The following PPP6R2 variants were observed in gnomAD, a reference collection of about 807,000 sequenced individuals.
The protein encoded by PPP6R2 is protein phosphatase 6 regulatory subunit 2, also known as serine/threonine-protein phosphatase 6 regulatory subunit 2.
A neutral mutation model predicts 100.2 loss-of-function variants in PPP6R2; 62 were observed. The ratio of observed to expected loss-of-function variants is 0.62; its 90% CI spans 0.50 to 0.76. PPP6R2 has a LOEUF of 0.76. Ranked by LOEUF, PPP6R2 falls within the 30% of genes least tolerant of loss-of-function variation. The pLI, the probability that PPP6R2 is intolerant of heterozygous loss-of-function variation, is 0.00. For synonymous variants in PPP6R2, 525 were observed against 514.7 expected (o/e 1.02, Z -0.27); for missense variants, 1,142 against 1,276.3 (o/e 0.89, Z 1.60).
intron 4 of PPP6R2, among the ~76,000 whole-genome samples, chr22:50,410,469 CTTTTTTTTTTTTTT>C (rs200178930): frequency 3.9e-5 from 4 of 103,370 alleles, no homozygotes; most frequent in Non-Finnish European, 4.0e-5. Context: ...TGAGTGGTGT[CTTTTTTTTTTTTTT>C]TTTTTTTTTT....
At position 50,431,066 on chromosome 22, in the gene PPP6R2, G is replaced by T; in HGVS notation, c.1126-107G>T. On this transcript the variant is annotated intron_variant, in intron 10 of 23. Transcript: ENST00000612753. The surrounding 1 kb of genome is among the most constrained non-coding windows in gnomAD (Gnocchi z 4.8). ...TCCTAGCTACCCAGAGACTGGACTT[G>T]TGAGGAGTTAGGACGCCACCTTTAG... is the stretch of plus-strand genomic sequence containing the variant. The T allele has an allele frequency of 1.2e-6, 1 of 867,866 alleles. No homozygotes were observed. The allele number at this position is 867,866 out of a possible 1,614,324, so 53.8% of individuals were successfully genotyped here. A position where few individuals can be genotyped will look rare whatever the true frequency, so the allele number is the denominator to read the frequency against.
intron 1 of PPP6R2, among the ~76,000 whole-genome samples, chr22:50,350,876 T>A (rs1038657430): frequency 6.6e-6 from 1 of 151,080 alleles, no homozygotes; most frequent in African/African-American, 2.4e-5. Context: ...CCTTGATCCA[T>A]GGGCTGCAGT....
At chr22:50,438,376 T>A in intron 18 of PPP6R2, 78 bp downstream of exon 18, 2 of 1,552,252 alleles carry the variant, frequency 1.3e-6, no homozygotes, top group Non-Finnish European at 1.7e-6. Flanking sequence ...CGCCCTGTGG[T>A]TCGTTAGCTG....
rs35760784 is a variant in PPP6R2 at position 50,434,431 on chromosome 22, C to T, written c.1401-535C>T. Among the ~76,000 whole-genome samples, 239 of 60,700 alleles carry T rather than the reference C, an allele frequency of 3.9e-3. 18 individuals carry two copies. Among genetic ancestry groups the T allele is most frequent in the Admixed American group, 6.4e-3 (38 of 5,902 alleles). The allele number at this position is 60,700 out of a possible 152,430, so 39.8% of individuals were successfully genotyped here. Reference sequence around the variant, plus strand: ...GGGGGCGCGGACGCTGGGCAGGGGCCGGGCATTTGCTCTGGAGGTGAACCT... The same window carrying T: ...GGGGGCGCGGACGCTGGGCAGGGGCTGGGCATTTGCTCTGGAGGTGAACCT... On this transcript the variant is annotated intron_variant, in intron 12 of 23. Coordinates refer to ENST00000612753, the MANE Select transcript of PPP6R2 (RefSeq NM_001242898.2).
rs567396466 is a variant in PPP6R2 at position 50,414,803 on chromosome 22, C to G, written c.552+114C>G. 17 of 1,220,908 alleles carry G rather than the reference C, an allele frequency of 1.4e-5. No homozygotes were observed. The African/African-American group carries it at 1.8e-4, about 13-fold the overall frequency. 75.6% of individuals were successfully genotyped at this position (1,220,908 alleles called of 1,614,324 possible). The stretch of plus-strand genomic sequence containing the variant: ...GCCCGGCCCCCATCTCTCCACCTAG[C>G]GTGCATTTCTCCGTGGGGCTGTTAG... On this transcript the variant is annotated intron_variant, in intron 5 of 23. Coordinates refer to ENST00000612753, the MANE Select transcript of PPP6R2 (RefSeq NM_001242898.2).
rs762160667 is a variant in PPP6R2, at chr22:50,437,891, C to T, written c.1830C>T (p.Asp610=). The T allele has an allele frequency of 5.8e-6, 9 of 1,556,132 alleles. No homozygotes were observed. The highest frequency in any genetic ancestry group is 3.9e-5 in the Admixed American group (2 of 51,200). ...AGATCAACTTCAACATCGACGCTGACGAGGACAGTGTGAGCAAGCCGGGCT... is the reference window on the plus strand; with the variant it reads ...AGATCAACTTCAACATCGACGCTGATGAGGACAGTGTGAGCAAGCCGGGCT... ...IAEINFNIDA[D]EDSPSAALFE... is the part of the protein sequence containing the mutation. The change falls in exon 17 of 24, where the codon GAC becomes GAT. Residue 610 remains aspartate (D), a synonymous_variant. Coordinates refer to ENST00000612753, the MANE Select transcript of PPP6R2 (RefSeq NM_001242898.2).
At chr22:50,440,659 C>G in intron 21 of PPP6R2, 163 bp from the exon 22 acceptor site, 1 of 746,180 alleles carries the variant, frequency 1.3e-6, no homozygotes, top group Admixed American at 2.4e-5. Flanking sequence ...ATGGCAGGTG[C>G]GTGAGCCTGT....
Position 50,439,962 on chromosome 22 carries a change from T to A in PPP6R2, c.2287T>A (p.Ser763Thr). The change falls in exon 21 of 24, where the codon TCC becomes ACC. Residue 763 changes from serine to threonine, a missense_variant and splice_region_variant. Coordinates refer to ENST00000612753, the MANE Select transcript of PPP6R2 (RefSeq NM_001242898.2). ...TCCTGTCCTCGTCCTTGTATGCAGC[T>A]CCGAGTCAGGGCCCAGGTGCAGCTC... is the stretch of plus-strand genomic sequence containing the variant. ...KFTDFQPFCC[S>T]ESGPRCSSPV... 1 of 1,613,398 alleles carries A rather than the reference T, an allele frequency of 6.2e-7. No homozygotes were observed. Among genetic ancestry groups the A allele is most frequent in the Non-Finnish European group, 8.5e-7 (1 of 1,179,806 alleles).
At chr22:50,402,679 T>C (rs1165392616) in intron 3 of PPP6R2, among the ~76,000 whole-genome samples, 2 of 152,190 alleles carry the variant, frequency 1.3e-5, no homozygotes, top group African/African-American at 4.8e-5. Flanking sequence ...CTTTGTGTTA[T>C]TTGAGATGGA....
chr22:50,381,865 A>G (rs919990528), intron 2 of PPP6R2, among the ~76,000 whole-genome samples: 11 of 150,612 alleles, frequency 7.3e-5, no homozygotes, highest in African/African-American at 9.8e-5. Context: ...CTGAGATCAC[A>G]CCACTGCACT....
chr22:50,377,187 C>T (rs1331406704), intron 2 of PPP6R2, among the ~76,000 whole-genome samples: 1 of 152,066 alleles, frequency 6.6e-6, no homozygotes, highest in Non-Finnish European at 1.5e-5. Context: ...GGTGAGGTGG[C>T]TCATGCTTGT....
At chr22:50,436,271 C>G (rs2064238038) in intron 13 of PPP6R2, 96 bp from the exon 14 acceptor site, 1 of 1,092,494 alleles carries the variant, frequency 9.2e-7, no homozygotes, top group Non-Finnish European at 1.4e-6. Context: ...GCGCCCCATC[C>G]TCCCGGACCC....
At chr22:50,435,834 G>A (rs1178992217) in intron 13 of PPP6R2, among the ~76,000 whole-genome samples, 1 of 152,214 alleles carries the variant, frequency 6.6e-6, no homozygotes, top group African/African-American at 2.4e-5. Flanking sequence ...CAGGGCAGGG[G>A]CAGTTTAAGG....
intron 1 of PPP6R2, among the ~76,000 whole-genome samples, chr22:50,368,132 A>G (rs1423468356): frequency 6.6e-6 from 1 of 152,264 alleles, no homozygotes; most frequent in Non-Finnish European, 1.5e-5. Flanking sequence ...AGGCGGAGCC[A>G]GGTGTACAGG....
chr22:50,352,266 T>G (rs971211125), intron 1 of PPP6R2, among the ~76,000 whole-genome samples: 6 of 152,190 alleles, frequency 3.9e-5, no homozygotes, highest in African/African-American at 1.4e-4. Context: ...ACCTTGCACT[T>G]TAGTATGTTA....
At chr22:50,441,278 G>A (rs1473811875) in intron 22 of PPP6R2, among the ~76,000 whole-genome samples, 1 of 152,198 alleles carries the variant, frequency 6.6e-6, no homozygotes, top group Non-Finnish European at 1.5e-5. Flanking sequence ...TCTCTGTTGT[G>A]AGTGGTTAAG....
Position 50,438,590 on chromosome 22 carries a change from C to CT in PPP6R2, c.1965-8dup, listed in dbSNP as rs766226540. On this transcript the variant is annotated splice_polypyrimidine_tract_variant and intron_variant, in intron 18 of 23. Transcript: ENST00000612753. ...GGCCACCAGACATCTGACTCTGAAT[C>CT]TCCCCCAGGTTTGGAGCCCCCCATG... is the stretch of plus-strand genomic sequence containing the variant. The CT allele has an allele frequency of 3.0e-5, 48 of 1,613,192 alleles. No individual in the cohort carries two copies. Among genetic ancestry groups the CT allele is most frequent in the Non-Finnish European group, 3.8e-5 (45 of 1,179,698 alleles).
chr22:50,415,672 C>G (rs1280906360), intron 5 of PPP6R2, among the ~76,000 whole-genome samples: 3 of 152,250 alleles, frequency 2.0e-5, no homozygotes, highest in Non-Finnish European at 4.4e-5. Context: ...AGCTTTACCC[C>G]ACAGTGTTCG....
intron 2 of PPP6R2, among the ~76,000 whole-genome samples, chr22:50,375,359 C>T (rs76208846): frequency 9.3e-4 from 141 of 152,268 alleles, no homozygotes; most frequent in African/African-American, 3.3e-3. Flanking sequence ...GTAATTTAAA[C>T]ACCATAGAAT....
Sources: gnomAD v4.1 joint callset for allele counts (sites outside exome capture counted in the v4.1 genomes callset) on GRCh38, gnomAD v4.1.1 for gene constraint, Gnocchi (gnomAD v3.1) non-coding constraint, MANE v1.5 for transcripts, NCBI Gene and HGNC (gene_info 2026-07-23, HGNC 2026-07-21) for gene names.